DLGAP1: variants seen among roughly 807,000 people sequenced by gnomAD.
The protein encoded by DLGAP1 is DLG associated protein 1, also known as disks large-associated protein 1.
In DLGAP1, 11 loss-of-function variants were observed where a neutral mutation model predicts 90.8. The ratio of observed to expected loss-of-function variants is 0.12; its 90% CI spans 0.08 to 0.20. DLGAP1 has a LOEUF of 0.20. Ranked by LOEUF, DLGAP1 falls within the 10% of genes least tolerant of loss-of-function variation. The probability of loss-of-function intolerance (pLI) is 1.00; values close to 1 mark genes in which losing one functional copy is unlikely to be tolerated. For missense variants in DLGAP1, 1,050 were observed against 1,333.8 expected, an observed-to-expected ratio of 0.79 and a Z score of 3.31; for synonymous variants, 558 against 540.7, an observed-to-expected ratio of 1.03 and a Z score of -0.44.
chr18:4,387,930 T>TACACACAC (rs1171436413), intron 1 of DLGAP1, among the ~76,000 whole-genome samples: 53 of 123,250 alleles, frequency 4.3e-4, no homozygotes, highest in African/African-American at 1.6e-3. Context: ...CCATCACACA[T>TACACACAC]ACACACACAC....
chr18:4,344,626 C>T (rs1444817051), intron 1 of DLGAP1, among the ~76,000 whole-genome samples: 3 of 152,120 alleles, frequency 2.0e-5, no homozygotes, highest in Admixed American at 1.3e-4. Flanking sequence ...CATAAAATAG[C>T]TATTTACTGA....
intron 1 of DLGAP1, among the ~76,000 whole-genome samples, chr18:4,435,434 G>C (rs536249828): frequency 6.6e-5 from 10 of 152,254 alleles, no homozygotes; most frequent in African/African-American, 2.4e-4. Flanking sequence ...AAGATGAAAA[G>C]AAAAGGAAGA....
At chr18:3,831,670 T>C (rs1182154298) in intron 4 of DLGAP1, among the ~76,000 whole-genome samples, 8 of 152,342 alleles carry the variant, frequency 5.3e-5, no homozygotes, top group African/African-American at 1.2e-4. Context: ...TTACAGCTTA[T>C]ATGGCTAATA....
chr18:4,055,953 A>G (rs1598317247), intron 2 of DLGAP1, among the ~76,000 whole-genome samples: 1 of 152,210 alleles, frequency 6.6e-6, no homozygotes, highest in African/African-American at 2.4e-5. Flanking sequence ...CTCAATGTTA[A>G]TAAAAGAAAA....
chr18:3,877,854 A>G (rs1294172274), intron 4 of DLGAP1, among the ~76,000 whole-genome samples: 1 of 152,254 alleles, frequency 6.6e-6, no homozygotes, highest in Non-Finnish European at 1.5e-5. Context: ...ACAGGAAATT[A>G]GGCAACACCA....
At chr18:4,408,780 T>C (rs1278574590) in intron 1 of DLGAP1, among the ~76,000 whole-genome samples, 5 of 152,214 alleles carry the variant, frequency 3.3e-5, no homozygotes, top group African/African-American at 1.2e-4. Context: ...AGGTGATTCA[T>C]TGTTAAAACT....
At chr18:4,093,591 A>T (rs908531620) in intron 2 of DLGAP1, among the ~76,000 whole-genome samples, 2 of 152,216 alleles carry the variant, frequency 1.3e-5, no homozygotes, top group African/African-American at 4.8e-5. Context: ...ATCAAAAAAA[A>T]AAAGGTCTTT....
chr18:4,363,800 G>T lies in DLGAP1; in HGVS notation c.-267+91206C>A, dbSNP rs1193083926. Among the ~76,000 whole-genome samples the T allele has an allele frequency of 5.3e-4, 81 of 152,058 alleles. 1 individual carries two copies. The highest frequency in any genetic ancestry group is 1.9e-3 in the African/African-American group (77 of 41,504). ...TGGAGAAATAGGAACACTTTTACAAGGTTGGTGGGACTGTAAACTAGTTCA... is the reference window on the plus strand; with the variant it reads ...TGGAGAAATAGGAACACTTTTACAATGTTGGTGGGACTGTAAACTAGTTCA... On this transcript the variant is annotated intron_variant, in intron 1 of 12. Coordinates refer to ENST00000315677, the MANE Select transcript of DLGAP1 (RefSeq NM_004746.4).
At chr18:3,741,085 C>CATCA in intron 6 of DLGAP1, among the ~76,000 whole-genome samples, 1 of 128,506 alleles carries the variant, frequency 7.8e-6, no homozygotes. Flanking sequence ...ACCACCATCA[C>CATCA]CATCACCACC....
chr18:3,802,133 T>G (rs982804317), intron 5 of DLGAP1, among the ~76,000 whole-genome samples: 1 of 152,080 alleles, frequency 6.6e-6, no homozygotes, highest in Non-Finnish European at 1.5e-5. Context: ...TACAGGTGTG[T>G]GCCACCATGC....
intron 7 of DLGAP1, among the ~76,000 whole-genome samples, chr18:3,628,231 C>T (rs2058383171): frequency 1.3e-5 from 2 of 148,312 alleles, no homozygotes; most frequent in South Asian, 4.3e-4. Flanking sequence ...GCTCTGTCAC[C>T]TAGGCTGGAG....
chr18:4,021,147 A>G (rs2074602064), intron 2 of DLGAP1, among the ~76,000 whole-genome samples: 1 of 152,180 alleles, frequency 6.6e-6, no homozygotes, highest in Non-Finnish European at 1.5e-5. Context: ...GAGTAATAAT[A>G]AAACTCTAGT....
intron 1 of DLGAP1, among the ~76,000 whole-genome samples, chr18:4,270,517 A>C (rs1051058510): frequency 6.6e-6 from 1 of 152,230 alleles, no homozygotes; most frequent in Admixed American, 6.5e-5. Flanking sequence ...TATTTTTCCA[A>C]AATATTTCAC....
intron 7 of DLGAP1, among the ~76,000 whole-genome samples, chr18:3,707,848 G>C (rs553969537): frequency 6.6e-6 from 1 of 152,234 alleles, no homozygotes; most frequent in African/African-American, 2.4e-5. Flanking sequence ...CTAAAGAAGG[G>C]ATGTTGGGGC....
At chr18:3,796,114 T>C (rs1432137640) in intron 5 of DLGAP1, among the ~76,000 whole-genome samples, 1 of 152,220 alleles carries the variant, frequency 6.6e-6, no homozygotes, top group Non-Finnish European at 1.5e-5. Context: ...CATTGATTAC[T>C]GATATCGCCC....
chr18:4,432,683 C>T (rs1303630731), intron 1 of DLGAP1, among the ~76,000 whole-genome samples: 4 of 151,734 alleles, frequency 2.6e-5, no homozygotes, highest in African/African-American at 4.8e-5. Flanking sequence ...ACTATAGTCA[C>T]AATGCTGTAC....
intron 3 of DLGAP1, among the ~76,000 whole-genome samples, chr18:3,887,505 G>C (rs888810264): frequency 6.6e-6 from 1 of 152,172 alleles, no homozygotes; most frequent in Non-Finnish European, 1.5e-5. Context: ...GTTTATGAGA[G>C]AAGACTGGAA....
chr18:3,708,800 G>C (rs1165854698), intron 7 of DLGAP1, among the ~76,000 whole-genome samples: 1 of 152,210 alleles, frequency 6.6e-6, no homozygotes, highest in Non-Finnish European at 1.5e-5. Context: ...CGCGTAAAGA[G>C]ACTCCTCATT....
chr18:3,932,364 T>C lies in DLGAP1; in HGVS notation c.-72-52224A>G, dbSNP rs147242442. ...CCCTCTAGACAGCCGGCCAATAACA[T>C]CAACAAAAAGTGCCTCATGTGCATC... On this transcript the variant is annotated intron_variant, in intron 3 of 12. Coordinates refer to ENST00000315677, the MANE Select transcript of DLGAP1 (RefSeq NM_004746.4). Among the ~76,000 whole-genome samples, 49 of 152,164 alleles carry C rather than the reference T, an allele frequency of 3.2e-4. 1 individual carries two copies. The East Asian group carries it at 9.1e-3, about 28-fold the overall frequency.
Sources: gnomAD v4.1 joint callset for allele counts (sites outside exome capture counted in the v4.1 genomes callset) on GRCh38, gnomAD v4.1.1 for gene constraint, MANE v1.5 for transcripts, NCBI Gene and HGNC (gene_info 2026-07-23, HGNC 2026-07-21) for gene names.